Variants in CNNM1 observed in about 807,000 individuals in gnomAD.
CNNM1 encodes metal transporter CNNM1.
A neutral mutation model predicts 78.8 loss-of-function variants in CNNM1; 44 were observed. The ratio of observed to expected loss-of-function variants is 0.56; its 90% CI spans 0.44 to 0.72. The LOEUF is 0.72. Ranked by LOEUF, CNNM1 falls within the 30% of genes least tolerant of loss-of-function variation. The pLI, the probability that CNNM1 is intolerant of heterozygous loss-of-function variation, is 0.00. For missense variants in CNNM1, 1,101 were observed against 1,292.2 expected (o/e 0.85, Z 2.27); for synonymous variants, 584 against 581.5 (o/e 1.00, Z -0.06).
chr10:99,389,001 C>G (rs1209225746), intron 9 of CNNM1, among the ~76,000 whole-genome samples: 1 of 152,196 alleles, frequency 6.6e-6, no homozygotes, highest in African/African-American at 2.4e-5. Flanking sequence ...CCCAAGCTTT[C>G]AGTAGCCCCC....
chr10:99,385,343 C>T (rs2032277249), intron 7 of CNNM1, among the ~76,000 whole-genome samples: 1 of 152,136 alleles, frequency 6.6e-6, no homozygotes, highest in Non-Finnish European at 1.5e-5. Context: ...TGTCCATAGT[C>T]GGAATTGCCT....
intron 7 of CNNM1, among the ~76,000 whole-genome samples, chr10:99,380,021 C>CTTTT (rs34165882): frequency 3.8e-5 from 4 of 103,932 alleles, no homozygotes; most frequent in Non-Finnish European, 8.0e-5. Context: ...TAAACTCTCT[C>CTTTT]TTTTTTTTTT....
intron 4 of CNNM1, 81 bp downstream of exon 4, chr10:99,362,477 A>T (rs2031472974): frequency 1.4e-6 from 2 of 1,442,138 alleles, no homozygotes; most frequent in South Asian, 2.7e-5. Flanking sequence ...CTCCGTCAGC[A>T]CCAAGTTCCA....
chr10:99,330,300 C>A lies in CNNM1; in HGVS notation c.913C>A (p.Leu305Met). Residue 305 changes from leucine (L) to methionine (M), a missense_variant, in exon 1 of 11, where the codon CTG (leucine) becomes ATG (methionine). Around this residue, in one of 3 missense-constraint regions of CNNM1, gnomAD observed 476 missense variants for 484.5 expected, o/e 0.98. Coordinates refer to ENST00000356713, the MANE Select transcript of CNNM1 (RefSeq NM_020348.3). ...AALAGWLYTS[L>M]PPGFGGTGED... ...CCTGGCTGGCTGGCTGTACACCTCG[C>A]TGCCGCCGGGCTTCGGGGGCACCGG... The A allele has an allele frequency of 1.9e-6, 3 of 1,585,882 alleles. No individual in the cohort carries two copies. Among genetic ancestry groups the A allele is most frequent in the East Asian group, 2.3e-5 (1 of 43,700 alleles).
intron 10 of CNNM1, 77 bp downstream of exon 10, chr10:99,390,484 C>A: frequency 9.2e-7 from 1 of 1,087,546 alleles, no homozygotes; most frequent in Non-Finnish European, 1.4e-6. Context: ...GCATCTTCCT[C>A]TTGGGGGAGG....
chr10:99,331,064 T>G, intron 1 of CNNM1, 104 bp downstream of exon 1: 1 of 1,185,670 alleles, frequency 8.4e-7, no homozygotes, highest in Non-Finnish European at 1.2e-6. Context: ...TTCTCTCCTA[T>G]GGTACTAAAA....
chr10:99,388,067 C>T (rs2032362849), intron 8 of CNNM1, 64 bp downstream of exon 8: 3 of 1,589,492 alleles, frequency 1.9e-6, no homozygotes, highest in Non-Finnish European at 2.6e-6. Context: ...CTGCCTTCCT[C>T]TTCTAGCCCT....
chr10:99,331,982 T>G (rs2029935633), intron 1 of CNNM1, among the ~76,000 whole-genome samples: 1 of 152,194 alleles, frequency 6.6e-6, no homozygotes, highest in Admixed American at 6.5e-5. Context: ...TCTGAGTTTG[T>G]CTTCAGAAAG....
At chr10:99,333,044 G>A (rs1178171276) in intron 1 of CNNM1, among the ~76,000 whole-genome samples, 3 of 152,172 alleles carry the variant, frequency 2.0e-5, no homozygotes, top group Admixed American at 6.5e-5. Flanking sequence ...GGCAGGTTTG[G>A]TTCCTTCTGA....
At chr10:99,369,263 C>T (rs1217707980) in intron 6 of CNNM1, among the ~76,000 whole-genome samples, 1 of 152,206 alleles carries the variant, frequency 6.6e-6, no homozygotes, top group Non-Finnish European at 1.5e-5. Context: ...GATTCAATGA[C>T]TGAGTAGAAT....
At position 99,388,301 on chromosome 10, in the gene CNNM1, G is replaced by A. The variant is rs756067787; in HGVS notation, c.2674G>A (p.Ala892Thr). 3 of 1,613,090 alleles carry A rather than the reference G, an allele frequency of 1.9e-6. No individual in the cohort carries two copies. The highest frequency in any genetic ancestry group is 2.5e-6 in the Non-Finnish European group (3 of 1,179,614). Residue 892 changes from alanine to threonine, a missense_variant and splice_region_variant, in exon 9 of 11, where the codon GCA becomes ACA. Physicochemically the swap from Ala to Thr is moderately conservative, Grantham distance 58. Around this residue, in one of 3 missense-constraint regions of CNNM1, gnomAD observed 348 missense variants for 384.5 expected, o/e 0.90. Transcript: ENST00000356713. ...LSPAAVPTRA[A>T]SDSECCNINL... ...TCCTGCAGCCGTTCCCACGAGAGCA[G>A]GTCAGGGAGGCCAGCTGGGCCCAGT...
chr10:99,350,644 T>A (rs75717793), intron 1 of CNNM1, among the ~76,000 whole-genome samples: 8,995 of 152,244 alleles, frequency 0.059, 377 homozygotes, highest in Non-Finnish European at 0.09. Context: ...TACATTTTTT[T>A]AAATTTCAGG....
chr10:99,390,380 G>A lies in CNNM1; in HGVS notation c.2749G>A (p.Val917Met), dbSNP rs757752177. Reference sequence around the variant, plus strand: ...CTGCAGTAGCGATTTTGAGGAAAACGTGGGCAAGAAGCTGCTGAGAACCTT... The same window carrying A: ...CTGCAGTAGCGATTTTGAGGAAAACATGGGCAAGAAGCTGCTGAGAACCTT... ...SPCSSDFEEN[V>M]GKKLLRTLSG... Residue 917 changes from valine to methionine, a missense_variant, in exon 10 of 11, where the codon GTG becomes ATG. Val to Met is a conservative substitution (Grantham distance 21, BLOSUM62 1). Around this residue, in one of 3 missense-constraint regions of CNNM1, gnomAD observed 348 missense variants for 384.5 expected, o/e 0.90. Transcript: ENST00000356713. 3.1e-5 allele frequency: 50 copies of A among 1,612,710 alleles called. No homozygotes were observed. The East Asian group carries it at 4.9e-4, about 16-fold the overall frequency.
At chr10:99,378,855 G>A (rs892063791) in intron 7 of CNNM1, among the ~76,000 whole-genome samples, 1 of 152,216 alleles carries the variant, frequency 6.6e-6, no homozygotes, top group African/African-American at 2.4e-5. Flanking sequence ...GGGCTTTAGA[G>A]TGAGCGGCAG....
chr10:99,369,151 T>C (rs1055615997), intron 6 of CNNM1, among the ~76,000 whole-genome samples: 22 of 152,388 alleles, frequency 1.4e-4, no homozygotes, highest in African/African-American at 5.3e-4. Flanking sequence ...TGTAAAACTT[T>C]CAAAACAACT....
chr10:99,390,228 C>T (rs1363336673), intron 9 of CNNM1, 78 bp from the exon 10 acceptor site: 1 of 1,037,818 alleles, frequency 9.6e-7, no homozygotes, highest in African/African-American at 1.6e-5. Flanking sequence ...TGAGGGATGT[C>T]ATCACTCAGA....
chr10:99,384,138 C>A (rs2032238904), intron 7 of CNNM1, among the ~76,000 whole-genome samples: 1 of 152,172 alleles, frequency 6.6e-6, no homozygotes, highest in Admixed American at 6.5e-5. Flanking sequence ...ACTCACGTTA[C>A]ATTTCTCTTC....
chr10:99,368,392 T>C, intron 6 of CNNM1: 1 of 339,220 alleles, frequency 2.9e-6, no homozygotes, highest in Non-Finnish European at 5.9e-6. Flanking sequence ...TCTTTTCAGA[T>C]GACCTTCAGC....
intron 1 of CNNM1, among the ~76,000 whole-genome samples, chr10:99,345,461 C>T (rs1343775511): frequency 6.6e-6 from 1 of 152,226 alleles, no homozygotes; most frequent in Non-Finnish European, 1.5e-5. Flanking sequence ...AGCTTGACCA[C>T]ACTCCCTGGC....
Sources: gnomAD v4.1 joint callset for allele counts (sites outside exome capture counted in the v4.1 genomes callset) on GRCh38, gnomAD v4.1.1 for gene constraint, gnomAD v4.1.1 regional missense constraint, MANE v1.5 for transcripts, NCBI Gene and HGNC (gene_info 2026-07-23, HGNC 2026-07-21) for gene names.